The following METTL21C variants were observed in gnomAD, a reference collection of about 807,000 sequenced individuals.
The protein encoded by METTL21C is methyltransferase 21C, AARS1 lysine.
Under a neutral mutation model 25.9 loss-of-function variants are expected in METTL21C, and 21 were observed. The ratio of observed to expected loss-of-function variants is 0.81; its 90% CI spans 0.58 to 1.17. The LOEUF is 1.17. METTL21C is among the 50% of genes most tolerant of loss of function. METTL21C has a pLI of 0.00. For missense variants in METTL21C, 312 were observed against 315.1 expected (o/e 0.99, Z 0.07); for synonymous variants, 125 against 124.7 (o/e 1.00, Z -0.01).
the METTL21C span, among the ~76,000 whole-genome samples, chr13:102,703,155 C>T: frequency 1.3e-5 from 2 of 152,208 alleles, no homozygotes; most frequent in Non-Finnish European, 2.9e-5. Context: ...TGACACCTTT[C>T]TTTCTATAGC....
intron 1 of METTL21C, 81 bp downstream of exon 1, chr13:102,694,288 T>C: frequency 6.8e-7 from 1 of 1,473,734 alleles, no homozygotes; most frequent in South Asian, 1.2e-5. Context: ...TGGAAATTCT[T>C]GTCACTGAAA....
At chr13:102,692,668 T>C (rs1885861666) in intron 1 of METTL21C, among the ~76,000 whole-genome samples, 1 of 152,198 alleles carries the variant, frequency 6.6e-6, no homozygotes. Context: ...TTTGATTTAG[T>C]ATGTTCTACC....
chr13:102,703,553 A>G, the METTL21C span, among the ~76,000 whole-genome samples: 3 of 152,184 alleles, frequency 2.0e-5, no homozygotes, highest in Non-Finnish European at 2.9e-5. Flanking sequence ...AAAATCGCAA[A>G]GATAGTTCTT....
chr13:102,704,063 T>C, the METTL21C span, among the ~76,000 whole-genome samples: 2 of 152,234 alleles, frequency 1.3e-5, no homozygotes, highest in African/African-American at 4.8e-5. Flanking sequence ...ACTGTCACCA[T>C]TTAAATTGCC....
intron 1 of METTL21C, among the ~76,000 whole-genome samples, chr13:102,691,919 G>A (rs926333372): frequency 2.0e-5 from 3 of 152,238 alleles, no homozygotes; most frequent in Admixed American, 6.5e-5. Flanking sequence ...GAGATCACAA[G>A]TGTTTGCAGG....
chr13:102,693,043 C>T (rs949600760), intron 1 of METTL21C, among the ~76,000 whole-genome samples: 1 of 152,110 alleles, frequency 6.6e-6, no homozygotes, highest in African/African-American at 2.4e-5. Context: ...CAGCGTTTGA[C>T]GATTGCTCTG....
chr13:102,690,910 T>C lies in METTL21C; in HGVS notation c.185A>G (p.Asp62Gly), dbSNP rs960035838. Residue 62 changes from aspartate (D) to glycine (G), a missense_variant, in exon 2 of 4, where the codon GAT becomes GGT. Transcript: ENST00000267273. ...LHSLQKFVPTDYASYTQEHYR... is the reference protein window; with the variant it reads ...LHSLQKFVPTGYASYTQEHYR... ...ATGCTCCTGAGTGTAGCTGGCGTAATCTGTAGGAACAAATTTCTGGAGGCT... is the reference window on the plus strand; with the variant it reads ...ATGCTCCTGAGTGTAGCTGGCGTAACCTGTAGGAACAAATTTCTGGAGGCT... The C allele has an allele frequency of 2.5e-6, 4 of 1,614,120 alleles. No individual in the cohort carries two copies. In the South Asian group the frequency reaches 3.3e-5, roughly 13 times the overall value.
At chr13:102,696,968 T>C (rs1885957339), upstream of METTL21C, among the ~76,000 whole-genome samples, 1 of 152,088 alleles carries the variant, frequency 6.6e-6, no homozygotes, top group Non-Finnish European at 1.5e-5. Flanking sequence ...TGTTTTCAAA[T>C]AGTTGAAGTG....
At chr13:102,687,551 C>T (rs111743927) in intron 2 of METTL21C, among the ~76,000 whole-genome samples, 22 of 152,298 alleles carry the variant, frequency 1.4e-4, no homozygotes, top group African/African-American at 3.4e-4. Context: ...AGCACTTTGC[C>T]GTATTGAGCG....
Position 102,694,431 on chromosome 13 carries a change from C to A in METTL21C, c.68G>T (p.Gly23Val), listed in dbSNP as rs1397393692. ...CCCCTTCTTCTCAGCCTCTAACCAG[C>A]CACCCGGGGAGCTGAGTCCTTCCCC... Reference protein sequence around the residue: ...RRGEGLSSPGGWLEAEKKGAP... With the variant: ...RRGEGLSSPGVWLEAEKKGAP... The change falls in exon 1 of 4, where the codon GGC becomes GTC. Residue 23 changes from glycine to valine, a missense_variant. Transcript: ENST00000267273. 1 of 1,467,872 alleles carries A rather than the reference C, an allele frequency of 6.8e-7. No individual in the cohort carries two copies. Among genetic ancestry groups the A allele is most frequent in the Admixed American group, 2.2e-5 (1 of 45,754 alleles). 90.9% of individuals were successfully genotyped at this position (1,467,872 alleles called of 1,614,324 possible).
intron 1 of METTL21C, among the ~76,000 whole-genome samples, chr13:102,692,570 T>TA (rs34498591): frequency 0.24 from 35,657 of 149,968 alleles, 4,976 homozygotes; most frequent in East Asian, 0.46. Flanking sequence ...TGCAGCACAC[T>TA]AAAAAAAAAA....
chr13:102,693,925 C>T (rs1885888850), intron 1 of METTL21C, among the ~76,000 whole-genome samples: 1 of 152,192 alleles, frequency 6.6e-6, no homozygotes, highest in South Asian at 2.1e-4. Context: ...TATTTATTTA[C>T]AACTGAATCC....
chr13:102,685,789 G>T lies in METTL21C; in HGVS notation c.*242C>A. The T allele has an allele frequency of 2.4e-6, 1 of 415,700 alleles. No homozygotes were observed. Among genetic ancestry groups the T allele is most frequent in the Non-Finnish European group, 4.2e-6 (1 of 236,062 alleles). The allele number at this position is 415,700 out of a possible 1,614,324, so 25.8% of individuals were successfully genotyped here. On this transcript the variant is annotated 3_prime_UTR_variant, in exon 4 of 4. Coordinates refer to ENST00000267273, the MANE Select transcript of METTL21C (RefSeq NM_001010977.3). ...GATTTATTAAACATGTAACTTCGTT[G>T]GAACCAACAAAGCTACTTTCATGTT... is the stretch of plus-strand genomic sequence containing the variant.
chr13:102,697,574 G>A (rs562706452), upstream of METTL21C, among the ~76,000 whole-genome samples: 5 of 152,154 alleles, frequency 3.3e-5, no homozygotes, highest in South Asian at 2.1e-4. Flanking sequence ...AGTTGTTCCC[G>A]CCTCCCCTGT....
At chr13:102,691,088 C>A in intron 1 of METTL21C, 124 bp from the exon 2 acceptor site, 1 of 1,089,104 alleles carries the variant, frequency 9.2e-7, no homozygotes, top group Non-Finnish European at 1.3e-6. Context: ...AGGGATGATG[C>A]TATCAAGGAG....
chr13:102,701,013 A>AT, the METTL21C span, among the ~76,000 whole-genome samples: 3 of 151,896 alleles, frequency 2.0e-5, no homozygotes, highest in South Asian at 6.2e-4. Flanking sequence ...CAGAAAGATC[A>AT]TTTTTTCCCA....
chr13:102,691,426 C>T (rs899095436), intron 1 of METTL21C, among the ~76,000 whole-genome samples: 13 of 151,972 alleles, frequency 8.6e-5, no homozygotes, highest in African/African-American at 1.7e-4. Flanking sequence ...CTCAGCTCAC[C>T]GCAACCTCTG....
the METTL21C span, among the ~76,000 whole-genome samples, chr13:102,701,189 C>T: frequency 3.3e-4 from 50 of 152,050 alleles, 1 homozygote; most frequent in South Asian, 0.01. Flanking sequence ...GGGGGAAATA[C>T]TCTGAATTAT....
chr13:102,685,832 A>T lies in METTL21C; in HGVS notation c.*199T>A. The T allele has an allele frequency of 1.9e-6, 1 of 518,298 alleles. No homozygotes were observed. The allele number at this position is 518,298 out of a possible 1,614,324, so 32.1% of individuals were successfully genotyped here. Reference sequence around the variant, plus strand: ...TTCATGTTTTTATGTTGTTCTTTTTAGATATTTAGATTAACCAGATAATCT... The same window carrying T: ...TTCATGTTTTTATGTTGTTCTTTTTTGATATTTAGATTAACCAGATAATCT... On this transcript the variant is annotated 3_prime_UTR_variant, in exon 4 of 4. Coordinates refer to ENST00000267273, the MANE Select transcript of METTL21C (RefSeq NM_001010977.3).
Sources: gnomAD v4.1 joint callset for allele counts (sites outside exome capture counted in the v4.1 genomes callset) on GRCh38, gnomAD v4.1.1 for gene constraint, MANE v1.5 for transcripts, NCBI Gene and HGNC (gene_info 2026-07-23, HGNC 2026-07-21) for gene names.